The following PDGFD variants were observed in gnomAD, a reference collection of about 807,000 sequenced individuals.
PDGFD encodes platelet derived growth factor D.
A neutral mutation model predicts 44.7 loss-of-function variants in PDGFD; 30 were observed. The ratio of observed to expected loss-of-function variants is 0.67; its 90% CI spans 0.50 to 0.91. The LOEUF is 0.91. PDGFD is among the 40% of genes least tolerant of loss of function. The pLI is 0.00. For missense variants in PDGFD, 445 were observed against 457.8 expected, an observed-to-expected ratio of 0.97 and a Z score of 0.25; for synonymous variants, 173 against 168.4, an observed-to-expected ratio of 1.03 and a Z score of -0.21.
intron 1 of PDGFD, among the ~76,000 whole-genome samples, chr11:104,134,218 A>G (rs1257947760): frequency 6.6e-6 from 1 of 152,228 alleles, no homozygotes; most frequent in African/African-American, 2.4e-5. Context: ...GTGCAATGCC[A>G]TCTTTGGAGT....
intron 1 of PDGFD, among the ~76,000 whole-genome samples, chr11:104,003,996 G>A (rs967729562): frequency 6.6e-6 from 1 of 152,138 alleles, no homozygotes; most frequent in Non-Finnish European, 1.5e-5. Flanking sequence ...AAGACCAGGG[G>A]ACAATAGACG....
chr11:104,147,704 T>A (rs868463969), intron 1 of PDGFD, among the ~76,000 whole-genome samples: 1 of 152,052 alleles, frequency 6.6e-6, no homozygotes, highest in African/African-American at 2.4e-5. Context: ...CAAGGAGATA[T>A]GGGTGACATA....
intron 5 of PDGFD, among the ~76,000 whole-genome samples, chr11:103,928,821 T>G (rs775852018): frequency 6.6e-6 from 1 of 152,198 alleles, no homozygotes; most frequent in Non-Finnish European, 1.5e-5. Flanking sequence ...TGAAAATAAC[T>G]GCAAGCAAAG....
In PDGFD at chr11:103,909,533, C is replaced by T. The variant is rs968054170; in HGVS notation, c.*161G>A. On this transcript the variant is annotated 3_prime_UTR_variant, in exon 7 of 7. Coordinates refer to ENST00000393158, the MANE Select transcript of PDGFD (RefSeq NM_025208.5). ...AGTTGATGATATACCTTTCTACTTG[C>T]CATGGCATTAACAAAGCAAGGCTGA... 28 of 801,652 alleles carry T rather than the reference C, an allele frequency of 3.5e-5. No homozygotes were observed. Among genetic ancestry groups the T allele is most frequent in the Admixed American group, 2.3e-4 (10 of 43,924 alleles). The allele number at this position is 801,652 out of a possible 1,614,324, so 49.7% of individuals were successfully genotyped here. A position where few individuals can be genotyped will look rare whatever the true frequency, so the allele number is the denominator to read the frequency against.
intron 5 of PDGFD, among the ~76,000 whole-genome samples, chr11:103,942,136 T>C (rs1195158343): frequency 1.3e-5 from 2 of 152,076 alleles, no homozygotes; most frequent in African/African-American, 4.8e-5. Context: ...TATAAATGGT[T>C]GTGCTAAAGC....
At chr11:104,131,988 A>G (rs1194929448) in intron 1 of PDGFD, among the ~76,000 whole-genome samples, 3 of 151,918 alleles carry the variant, frequency 2.0e-5, no homozygotes, top group Admixed American at 6.6e-5. Flanking sequence ...AAAACAAAAC[A>G]AAACAAAACA....
rs1466151180 is a variant in PDGFD, at chr11:103,909,135, AC to A, written c.*558del. The A allele has an allele frequency of 1.3e-5, 2 of 152,404 alleles. No individual in the cohort carries two copies. Among genetic ancestry groups the A allele is most frequent in the Non-Finnish European group, 2.9e-5 (2 of 68,206 alleles). The allele number at this position is 152,404 out of a possible 1,614,324, so 9.4% of individuals were successfully genotyped here. A position where few individuals can be genotyped will look rare whatever the true frequency, so the allele number is the denominator to read the frequency against. On this transcript the variant is annotated 3_prime_UTR_variant, in exon 7 of 7. Coordinates refer to ENST00000393158, the MANE Select transcript of PDGFD (RefSeq NM_025208.5). ...TTAGGTATTGGCCTTTTCTCTGGAA[AC>A]CATATTTTTCCTTTTTTAATAATCA... is the stretch of plus-strand genomic sequence containing the variant.
intron 1 of PDGFD, among the ~76,000 whole-genome samples, chr11:104,022,770 T>C (rs1391506228): frequency 6.6e-6 from 1 of 151,980 alleles, no homozygotes; most frequent in Non-Finnish European, 1.5e-5. Flanking sequence ...TATGTGTATA[T>C]TCATACAAAA....
chr11:104,120,320 A>T (rs1861759042), intron 1 of PDGFD, among the ~76,000 whole-genome samples: 1 of 151,782 alleles, frequency 6.6e-6, no homozygotes, highest in Non-Finnish European at 1.5e-5. Flanking sequence ...ATGCCACTGG[A>T]TTAACATTTC....
intron 1 of PDGFD, among the ~76,000 whole-genome samples, chr11:104,023,767 T>C (rs1328242631): frequency 1.3e-5 from 2 of 152,142 alleles, no homozygotes; most frequent in East Asian, 3.8e-4. Flanking sequence ...AGATGGAATT[T>C]TACAGGTTGG....
At chr11:103,998,807 T>C (rs971650663) in intron 2 of PDGFD, among the ~76,000 whole-genome samples, 22 of 152,176 alleles carry the variant, frequency 1.4e-4, no homozygotes, top group Non-Finnish European at 2.2e-4. Context: ...TTGAATTGAA[T>C]AGGACAAAAC....
chr11:103,976,974 A>C (rs1859194205), intron 3 of PDGFD, among the ~76,000 whole-genome samples: 1 of 152,178 alleles, frequency 6.6e-6, no homozygotes. Context: ...AAGAGAGAAG[A>C]ATCAAATAAA....
Position 104,000,171 on chromosome 11 carries a change from G to C in PDGFD, c.209C>G (p.Pro70Arg). ...GAGCAGGTTCCTGGGGTAGCTGTTC[G>C]GGAATCTAGGACTCTGCACGTAGCC... The part of the protein sequence containing the change: ...GNGYVQSPRF[P>R]NSYPRNLLLT... The change falls in exon 2 of 7, where the codon CCG (proline) becomes CGG (arginine). Residue 70 changes from proline (P) to arginine (R), a missense_variant. Coordinates refer to ENST00000393158, the MANE Select transcript of PDGFD (RefSeq NM_025208.5). 6.2e-7 allele frequency: 1 copy of C among 1,614,004 alleles called. No homozygotes were observed. Among genetic ancestry groups the C allele is most frequent in the Non-Finnish European group, 8.5e-7 (1 of 1,179,964 alleles).
intron 3 of PDGFD, among the ~76,000 whole-genome samples, chr11:103,982,461 T>C (rs1027635749): frequency 1.3e-5 from 2 of 151,672 alleles, no homozygotes; most frequent in Non-Finnish European, 2.9e-5. Context: ...TGTGGGTTTT[T>C]ATGGATTAAA....
At chr11:104,158,637 C>A (rs1052834070) in intron 1 of PDGFD, among the ~76,000 whole-genome samples, 5 of 151,628 alleles carry the variant, frequency 3.3e-5, no homozygotes, top group African/African-American at 9.7e-5. Flanking sequence ...TCAAGACCAT[C>A]CTGGCTAACA....
At chr11:104,030,993 T>C (rs769073839) in intron 1 of PDGFD, among the ~76,000 whole-genome samples, 6 of 152,154 alleles carry the variant, frequency 3.9e-5, no homozygotes, top group African/African-American at 9.7e-5. Flanking sequence ...AATTAACTCA[T>C]GATGGATTAA....
chr11:103,917,142 TAAA>T (rs1858140515), intron 6 of PDGFD, among the ~76,000 whole-genome samples: 2 of 152,016 alleles, frequency 1.3e-5, no homozygotes, highest in Admixed American at 6.5e-5. Flanking sequence ...CATAAATAAG[TAAA>T]ATGTGTTTTA....
chr11:104,134,172 G>C (rs1430142648), intron 1 of PDGFD, among the ~76,000 whole-genome samples: 2 of 117,830 alleles, frequency 1.7e-5, no homozygotes. Context: ...AATATTTAGG[G>C]GTCACAAACA....
chr11:103,944,122 T>G (rs1335286004), intron 4 of PDGFD, among the ~76,000 whole-genome samples: 1 of 152,178 alleles, frequency 6.6e-6, no homozygotes, highest in African/African-American at 2.4e-5. Flanking sequence ...AGATGATGTG[T>G]GAGCAATGTA....
Sources: allele counts gnomAD v4.1 joint callset (sites outside exome capture counted in the v4.1 genomes callset), GRCh38; gene constraint gnomAD v4.1.1; transcripts MANE v1.5; gene names NCBI Gene and HGNC (gene_info 2026-07-23, HGNC 2026-07-21).